PLCB1: variants seen among roughly 807,000 people sequenced by gnomAD.
PLCB1 encodes 1-phosphatidylinositol 4,5-bisphosphate phosphodiesterase beta-1.
In PLCB1, 46 loss-of-function variants were observed where a neutral mutation model predicts 161.8. That is an observed-to-expected ratio of 0.28 (90% confidence interval 0.22 to 0.36). PLCB1 has a LOEUF of 0.36. Ranked by LOEUF, PLCB1 falls within the 10% of genes least tolerant of loss-of-function variation. The pLI is 1.00. For missense variants in PLCB1, 1,016 were observed against 1,472.5 expected, an observed-to-expected ratio of 0.69 and a Z score of 5.07; for synonymous variants, 517 against 503.7, an observed-to-expected ratio of 1.03 and a Z score of -0.35.
chr20:8,409,231 A>G (rs1020186322), intron 3 of PLCB1, among the ~76,000 whole-genome samples: 1 of 152,132 alleles, frequency 6.6e-6, no homozygotes, highest in Admixed American at 6.6e-5. Context: ...ATGGCATGCA[A>G]CTGCCTATGA....
chr20:8,785,621 G>A (rs1203542689), intron 27 of PLCB1, among the ~76,000 whole-genome samples: 1 of 152,178 alleles, frequency 6.6e-6, no homozygotes. Context: ...GGACGTGGCA[G>A]ACAGGGAACT....
intron 3 of PLCB1, among the ~76,000 whole-genome samples, chr20:8,379,836 T>A (rs894096567): frequency 6.6e-6 from 1 of 152,248 alleles, no homozygotes; most frequent in African/African-American, 2.4e-5. Context: ...TAAATTTGTT[T>A]AAGTTCCTTG....
intron 3 of PLCB1, among the ~76,000 whole-genome samples, chr20:8,404,703 A>C (rs557298620): frequency 6.6e-6 from 1 of 152,294 alleles, no homozygotes; most frequent in South Asian, 2.1e-4. Flanking sequence ...TCTTTTAGTA[A>C]TTCTTCCCCA....
chr20:8,875,493 A>G (rs1009754324), intron 31 of PLCB1, among the ~76,000 whole-genome samples: 1 of 128,378 alleles, frequency 7.8e-6, no homozygotes, highest in Non-Finnish European at 1.7e-5. Context: ...AAATATTTAT[A>G]TAACATATAA....
intron 2 of PLCB1, among the ~76,000 whole-genome samples, chr20:8,269,896 TA>T (rs56376722): frequency 0.025 from 3,674 of 144,126 alleles, 133 homozygotes; most frequent in African/African-American, 0.082. Flanking sequence ...TCTTTTCCTT[TA>T]AAAAAAAAAA....
chr20:8,729,361 A>G (rs1980110491), intron 18 of PLCB1, 187 bp downstream of exon 18: 1 of 403,796 alleles, frequency 2.5e-6, no homozygotes, highest in African/African-American at 2.1e-5. Flanking sequence ...ATGTTCTTCA[A>G]TTATTCTGTA....
At chr20:8,667,277 ACT>A (rs1416406205) in intron 9 of PLCB1, among the ~76,000 whole-genome samples, 1 of 151,988 alleles carries the variant, frequency 6.6e-6, no homozygotes, top group Non-Finnish European at 1.5e-5. Context: ...CCTCCTATTG[ACT>A]CTCTAACCTC....
intron 14 of PLCB1, among the ~76,000 whole-genome samples, chr20:8,721,586 T>C (rs1979635390): frequency 1.3e-5 from 2 of 152,226 alleles, no homozygotes; most frequent in African/African-American, 4.8e-5. Context: ...AGCTGAATTA[T>C]TTCTGATGGA....
At chr20:8,543,195 TA>T (rs369255601) in intron 3 of PLCB1, among the ~76,000 whole-genome samples, 1 of 151,916 alleles carries the variant, frequency 6.6e-6, no homozygotes, top group Non-Finnish European at 1.5e-5. Context: ...AAGAAATAGA[TA>T]AAAAAATAAG....
At chr20:8,632,678 G>A (rs987619497) in intron 4 of PLCB1, among the ~76,000 whole-genome samples, 9 of 152,162 alleles carry the variant, frequency 5.9e-5, no homozygotes, top group African/African-American at 2.2e-4. Flanking sequence ...GAGGATGTCT[G>A]GAGAGACAGC....
At chr20:8,866,767 G>A (rs6086672) in intron 31 of PLCB1, among the ~76,000 whole-genome samples, 45,533 of 151,872 alleles carry the variant, frequency 0.3, 7,746 homozygotes, top group East Asian at 0.65. Context: ...CTTCACCTTG[G>A]GGGGAGAATT....
chr20:8,670,713 C>T (rs1311246280), intron 9 of PLCB1, among the ~76,000 whole-genome samples: 1 of 152,126 alleles, frequency 6.6e-6, no homozygotes, highest in Non-Finnish European at 1.5e-5. Flanking sequence ...TGTACAAAAG[C>T]ACAGTTAGCT....
chr20:8,557,170 T>C (rs929545922), intron 3 of PLCB1, among the ~76,000 whole-genome samples: 3 of 151,934 alleles, frequency 2.0e-5, no homozygotes, highest in Non-Finnish European at 4.4e-5. Flanking sequence ...AGAGTTACCA[T>C]ATAATTCAGC....
intron 3 of PLCB1, among the ~76,000 whole-genome samples, chr20:8,556,217 C>A (rs184770973): frequency 3.3e-5 from 5 of 152,082 alleles, no homozygotes; most frequent in Admixed American, 1.3e-4. Context: ...GCAGAGCAGA[C>A]CTTATTACCA....
chr20:8,517,621 A>G (rs1201401540), intron 3 of PLCB1, among the ~76,000 whole-genome samples: 1 of 152,128 alleles, frequency 6.6e-6, no homozygotes, highest in African/African-American at 2.4e-5. Flanking sequence ...TTGTAACCTA[A>G]AACTCTGGGC....
intron 31 of PLCB1, among the ~76,000 whole-genome samples, chr20:8,866,396 G>C (rs1029210869): frequency 6.6e-6 from 1 of 152,204 alleles, no homozygotes; most frequent in South Asian, 2.1e-4. Context: ...TCCCTGAATA[G>C]GGAGGCCCCA....
chr20:8,792,736 C>G (rs1983824924), intron 31 of PLCB1: 2 of 431,234 alleles, frequency 4.6e-6, no homozygotes, highest in Non-Finnish European at 9.4e-6. Flanking sequence ...GGCTTAAAAA[C>G]GTTGTGCCTT....
chr20:8,298,400 G>A (rs1274798140), intron 2 of PLCB1, among the ~76,000 whole-genome samples: 1 of 151,776 alleles, frequency 6.6e-6, no homozygotes, highest in Admixed American at 6.6e-5. Flanking sequence ...ATCCTTTAAA[G>A]AGTGCTTGTG....
intron 3 of PLCB1, among the ~76,000 whole-genome samples, chr20:8,399,545 C>A (rs1978452745): frequency 6.6e-6 from 1 of 152,064 alleles, no homozygotes; most frequent in Non-Finnish European, 1.5e-5. Flanking sequence ...AAAGTGGATT[C>A]TTATTCTAGA....
Sources: allele counts gnomAD v4.1 joint callset (sites outside exome capture counted in the v4.1 genomes callset), GRCh38; gene constraint gnomAD v4.1.1; transcripts MANE v1.5; gene names NCBI Gene and HGNC (gene_info 2026-07-23, HGNC 2026-07-21).